Variants in PRKN observed in about 807,000 individuals in gnomAD.
PRKN encodes E3 ubiquitin-protein ligase parkin.
In PRKN, 56 loss-of-function variants were observed where a neutral mutation model predicts 59.5. The observed-to-expected ratio is 0.94, with a 90% CI of 0.76 to 1.18. The LOEUF (loss-of-function observed/expected upper bound fraction) is 1.18. Ranked by LOEUF, PRKN falls within the 50% of genes most tolerant of loss-of-function variation. The probability of loss-of-function intolerance (pLI) is 0.00; values close to 1 mark genes in which losing one functional copy is unlikely to be tolerated. For synonymous variants in PRKN, 250 were observed against 222.1 expected, an observed-to-expected ratio of 1.13 and a Z score of -1.12; for missense variants, 657 against 596.4, an observed-to-expected ratio of 1.10 and a Z score of -1.06.
intron 2 of PRKN, among the ~76,000 whole-genome samples, chr6:162,367,039 A>C (rs1224936155): frequency 6.6e-6 from 1 of 152,062 alleles, no homozygotes; most frequent in Non-Finnish European, 1.5e-5. Context: ...CATAATCCCC[A>C]TGTGTTACGG....
chr6:161,910,357 C>T (rs1316748078), intron 6 of PRKN, among the ~76,000 whole-genome samples: 2 of 152,088 alleles, frequency 1.3e-5, no homozygotes, highest in Non-Finnish European at 2.9e-5. Context: ...TGGGTTCAAG[C>T]GATTCTCCTG....
intron 1 of PRKN, among the ~76,000 whole-genome samples, chr6:162,573,759 C>T (rs1780445565): frequency 6.6e-6 from 1 of 152,152 alleles, no homozygotes. Context: ...AATACATTTA[C>T]ATAAGTTCAT....
intron 7 of PRKN, among the ~76,000 whole-genome samples, chr6:161,715,467 C>T (rs576470993): frequency 5.4e-4 from 82 of 151,788 alleles, no homozygotes; most frequent in Non-Finnish European, 8.4e-4. Context: ...AATATGTATC[C>T]CTCTTCAAGA....
At chr6:162,284,337 G>A (rs895970889) in intron 2 of PRKN, among the ~76,000 whole-genome samples, 1 of 142,006 alleles carries the variant, frequency 7.0e-6, no homozygotes, top group Admixed American at 8.0e-5. Flanking sequence ...TGATTCTCTT[G>A]CCTCAGCCTC....
chr6:161,436,428 T>C (rs1400723665), intron 9 of PRKN, among the ~76,000 whole-genome samples: 1 of 148,800 alleles, frequency 6.7e-6, no homozygotes, highest in African/African-American at 2.5e-5. Context: ...CTAGAATGTT[T>C]TTGGCCACTC....
chr6:162,476,349 G>T (rs1470734899), intron 1 of PRKN, among the ~76,000 whole-genome samples: 2 of 152,122 alleles, frequency 1.3e-5, no homozygotes, highest in Non-Finnish European at 2.9e-5. Context: ...TGGGATTACA[G>T]GTGTGAGCCA....
intron 1 of PRKN, among the ~76,000 whole-genome samples, chr6:162,499,529 C>T (rs1793265727): frequency 6.6e-6 from 1 of 152,156 alleles, no homozygotes; most frequent in Admixed American, 6.5e-5. Flanking sequence ...TTACTGACGA[C>T]TGAATAAATG....
intron 8 of PRKN, among the ~76,000 whole-genome samples, chr6:161,563,424 C>G (rs573842980): frequency 6.6e-6 from 1 of 152,208 alleles, no homozygotes; most frequent in African/African-American, 2.4e-5. Flanking sequence ...GCCCTACAAA[C>G]CTATTGACTC....
intron 9 of PRKN, among the ~76,000 whole-genome samples, chr6:161,404,617 C>G (rs1340174408): frequency 6.6e-6 from 1 of 152,206 alleles, no homozygotes; most frequent in African/African-American, 2.4e-5. Flanking sequence ...GTCAGGGTGT[C>G]TCTAAGTTTA....
intron 7 of PRKN, among the ~76,000 whole-genome samples, chr6:161,601,613 C>T (rs1376110025): frequency 1.4e-5 from 2 of 142,654 alleles, no homozygotes; most frequent in Admixed American, 7.2e-5. Context: ...GACGGAGTTT[C>T]GCTCTGTAGC....
chr6:162,125,540 A>G (rs1781090998), intron 4 of PRKN, among the ~76,000 whole-genome samples: 1 of 152,220 alleles, frequency 6.6e-6, no homozygotes, highest in Non-Finnish European at 1.5e-5. Flanking sequence ...AGAAAGGGTT[A>G]GAACACGATT....
intron 2 of PRKN, among the ~76,000 whole-genome samples, chr6:162,282,922 C>T (rs1391994739): frequency 2.0e-5 from 3 of 151,930 alleles, no homozygotes; most frequent in African/African-American, 7.3e-5. Context: ...TAAAAAGACA[C>T]CTGGGAAATT....
At chr6:162,418,036 C>T (rs73035785) in intron 2 of PRKN, among the ~76,000 whole-genome samples, 3,449 of 152,230 alleles carry the variant, frequency 0.023, 53 homozygotes, top group Non-Finnish European at 0.036. Context: ...AAACATAGGC[C>T]TATACAAAAG....
chr6:162,333,504 T>C (rs1378458337), intron 2 of PRKN, among the ~76,000 whole-genome samples: 1 of 152,176 alleles, frequency 6.6e-6, no homozygotes, highest in Non-Finnish European at 1.5e-5. Flanking sequence ...TTGTGATGTA[T>C]GATCCACGAT....
At chr6:162,597,977 C>G (rs1177001964) in intron 1 of PRKN, among the ~76,000 whole-genome samples, 1 of 151,882 alleles carries the variant, frequency 6.6e-6, no homozygotes, top group Non-Finnish European at 1.5e-5. Context: ...TGGTATTTTA[C>G]AAAAAACAAG....
In PRKN at chr6:162,146,882, C is replaced by T. The variant is rs116901372; in HGVS notation, c.534+54249G>A. Among the ~76,000 whole-genome samples, 70 of 152,114 alleles carry T rather than the reference C, an allele frequency of 4.6e-4. No individual in the cohort carries two copies. The East Asian group carries it at 0.013, about 29-fold the overall frequency. On this transcript the variant is annotated intron_variant, in intron 4 of 11. Coordinates refer to ENST00000366898, the MANE Select transcript of PRKN (RefSeq NM_004562.3). The stretch of plus-strand genomic sequence containing the variant: ...AGTAGCTGAGATTACAGGCATGGGC[C>T]ACCACTTCTGGCTAATTTCTGTATT...
At chr6:161,748,753 C>T (rs1326629816) in intron 7 of PRKN, among the ~76,000 whole-genome samples, 1 of 152,074 alleles carries the variant, frequency 6.6e-6, no homozygotes, top group Non-Finnish European at 1.5e-5. Flanking sequence ...AGAGCCATAC[C>T]CCACTGCTTC....
chr6:161,430,075 G>A (rs1159352824), intron 9 of PRKN, among the ~76,000 whole-genome samples: 4 of 152,180 alleles, frequency 2.6e-5, no homozygotes, highest in African/African-American at 7.2e-5. Context: ...TTGCATTACA[G>A]GTGTGAGGAC....
rs112625480 is a variant in PRKN at position 162,448,894 on chromosome 6, CCT to C, written c.8-5423_8-5422del. ...CTTTTCCTCTCTCTCTCTCTCCCTT[CCT>C]CTCTCTCTCTCTCTCTCATCTCACT... On this transcript the variant is annotated intron_variant, in intron 1 of 11. Transcript: ENST00000366898. Among the ~76,000 whole-genome samples, 340 of 140,870 alleles carry C rather than the reference CCT, an allele frequency of 2.4e-3. 1 individual carries two copies. Among genetic ancestry groups the C allele is most frequent in the African/African-American group, 5.9e-3 (221 of 37,672 alleles). The allele number at this position is 140,870 out of a possible 152,430, so 92.4% of individuals were successfully genotyped here.
Sources: allele counts gnomAD v4.1 joint callset (sites outside exome capture counted in the v4.1 genomes callset), GRCh38; gene constraint gnomAD v4.1.1; transcripts MANE v1.5; gene names NCBI Gene and HGNC (gene_info 2026-07-23, HGNC 2026-07-21).